The following CLMN variants were observed in gnomAD, a reference collection of about 807,000 sequenced individuals.
CLMN encodes calmin, also known as calmin (calponin-like, transmembrane).
A neutral mutation model predicts 92.7 loss-of-function variants in CLMN; 57 were observed. The ratio of observed to expected loss-of-function variants is 0.61; its 90% CI spans 0.50 to 0.77. The LOEUF (loss-of-function observed/expected upper bound fraction) is 0.77. CLMN is among the 30% of genes least tolerant of loss of function. CLMN has a pLI of 0.00. For synonymous variants in CLMN, 466 were observed against 470.6 expected, an observed-to-expected ratio of 0.99 and a Z score of 0.13; for missense variants, 1,158 against 1,237.5, an observed-to-expected ratio of 0.94 and a Z score of 0.96.
At chr14:95,228,126 C>T (rs1051630936) in intron 2 of CLMN, among the ~76,000 whole-genome samples, 14 of 152,086 alleles carry the variant, frequency 9.2e-5, no homozygotes, top group African/African-American at 2.7e-4. Flanking sequence ...ATATTCACCA[C>T]GTGACCCTCT....
chr14:95,212,707 T>G (rs781140322), intron 6 of CLMN, among the ~76,000 whole-genome samples: 7 of 152,100 alleles, frequency 4.6e-5, no homozygotes, highest in African/African-American at 1.7e-4. Context: ...ATCAGCTTTG[T>G]GCAAACCAAA....
chr14:95,258,445 G>A (rs1899102098), intron 1 of CLMN, among the ~76,000 whole-genome samples: 1 of 150,232 alleles, frequency 6.7e-6, no homozygotes, highest in African/African-American at 2.5e-5. Flanking sequence ...GTGTGGTGTG[G>A]TTGTGTGTGG....
At chr14:95,288,089 G>A (rs915503281) in intron 1 of CLMN, among the ~76,000 whole-genome samples, 14 of 152,328 alleles carry the variant, frequency 9.2e-5, no homozygotes, top group South Asian at 2.1e-4. Context: ...CCACAGCATA[G>A]TGGGGCCTGG....
At chr14:95,220,169 CTTTTTTT>C (rs767326601) in intron 4 of CLMN, among the ~76,000 whole-genome samples, 1 of 71,796 alleles carries the variant, frequency 1.4e-5, no homozygotes, top group Non-Finnish European at 2.4e-5. Context: ...GGATAGGTCC[CTTTTTTT>C]TTTTTTTTTT....
intron 1 of CLMN, among the ~76,000 whole-genome samples, chr14:95,285,258 C>A (rs191660777): frequency 6.6e-6 from 1 of 152,290 alleles, no homozygotes; most frequent in East Asian, 1.9e-4. Context: ...CGTGGGTATG[C>A]CTTTATCAGC....
intron 4 of CLMN, among the ~76,000 whole-genome samples, chr14:95,218,362 C>T (rs1347122351): frequency 6.6e-6 from 1 of 152,206 alleles, no homozygotes; most frequent in African/African-American, 2.4e-5. Context: ...AGAGCTGGTC[C>T]TGTGGGGCAG....
At chr14:95,295,336 C>T (rs1365709896) in intron 1 of CLMN, among the ~76,000 whole-genome samples, 2 of 152,226 alleles carry the variant, frequency 1.3e-5, no homozygotes, top group African/African-American at 2.4e-5. Flanking sequence ...CTATCCTTCA[C>T]TCAACAAGCA....
chr14:95,267,178 G>A (rs890228300), intron 1 of CLMN, among the ~76,000 whole-genome samples: 1 of 152,248 alleles, frequency 6.6e-6, no homozygotes, highest in Admixed American at 6.5e-5. Flanking sequence ...AGACAATTGG[G>A]ATCACATCAA....
chr14:95,292,241 T>G (rs1900597402), intron 1 of CLMN, among the ~76,000 whole-genome samples: 1 of 152,222 alleles, frequency 6.6e-6, no homozygotes, highest in Non-Finnish European at 1.5e-5. Flanking sequence ...TAAATGGTAG[T>G]CATTTCTGGG....
chr14:95,242,557 G>A (rs1338943893), intron 1 of CLMN, among the ~76,000 whole-genome samples: 1 of 138,958 alleles, frequency 7.2e-6, no homozygotes, highest in East Asian at 2.0e-4. Context: ...ACCATGCCCA[G>A]CCTGGCATCT....
rs866667199 is a variant in CLMN at position 95,245,195 on chromosome 14, A to T, written c.83-15062T>A. On this transcript the variant is annotated intron_variant, in intron 1 of 12. Coordinates refer to ENST00000298912, the MANE Select transcript of CLMN (RefSeq NM_024734.4). ...TATATTATATATATATATATATATA[A>T]TATATATATATATTATATATATATA... Among the ~76,000 whole-genome samples the T allele has an allele frequency of 1.1e-3, 31 of 27,798 alleles. 2 individuals are homozygous for T. Among genetic ancestry groups the T allele is most frequent in the African/African-American group, 3.1e-3 (19 of 6,112 alleles). 18.2% of individuals were successfully genotyped at this position (27,798 alleles called of 152,430 possible).
chr14:95,216,109 A>T (rs1302283730), intron 4 of CLMN, among the ~76,000 whole-genome samples: 1 of 152,226 alleles, frequency 6.6e-6, no homozygotes, highest in East Asian at 1.9e-4. Context: ...TAATGGACAC[A>T]CAGTTCCACA....
At chr14:95,232,387 G>A (rs1012250712) in intron 1 of CLMN, among the ~76,000 whole-genome samples, 3 of 152,238 alleles carry the variant, frequency 2.0e-5, no homozygotes, top group East Asian at 3.8e-4. Context: ...TTGATCTCCT[G>A]CAGGAGAGCA....
chr14:95,301,337 C>G (rs920609533), intron 1 of CLMN, among the ~76,000 whole-genome samples: 1 of 152,190 alleles, frequency 6.6e-6, no homozygotes, highest in Non-Finnish European at 1.5e-5. Context: ...AGTACCACTC[C>G]CAGGTGGAAA....
chr14:95,261,192 CAAA>C (rs34154169), intron 1 of CLMN, among the ~76,000 whole-genome samples: 388 of 127,894 alleles, frequency 3.0e-3, no homozygotes, highest in African/African-American at 4.8e-3. Flanking sequence ...CACACAAATG[CAAA>C]AAAAAAAAAA....
At chr14:95,242,214 G>A (rs1898269833) in intron 1 of CLMN, among the ~76,000 whole-genome samples, 1 of 150,760 alleles carries the variant, frequency 6.6e-6, no homozygotes, top group Non-Finnish European at 1.5e-5. Flanking sequence ...AATCCTAGGG[G>A]TGGGGACTCA....
chr14:95,265,275 A>G (rs1899428582), intron 1 of CLMN, among the ~76,000 whole-genome samples: 1 of 151,924 alleles, frequency 6.6e-6, no homozygotes. Flanking sequence ...CTTTGAGAAA[A>G]GCAGACGGCC....
Position 95,230,146 on chromosome 14 carries a change from A to T in CLMN, c.83-13T>A. 1 of 1,612,572 alleles carries T rather than the reference A, an allele frequency of 6.2e-7. No homozygotes were observed. The highest frequency in any genetic ancestry group is 8.5e-7 in the Non-Finnish European group (1 of 1,178,542). On this transcript the variant is annotated splice_polypyrimidine_tract_variant and intron_variant, in intron 1 of 12. Coordinates refer to ENST00000298912, the MANE Select transcript of CLMN (RefSeq NM_024734.4). ...TTTTCCCTCTCAACTGAAAACAAAGACATACCATCAGCTGGGAGAATAAGA... is the reference window on the plus strand; with the variant it reads ...TTTTCCCTCTCAACTGAAAACAAAGTCATACCATCAGCTGGGAGAATAAGA...
At chr14:95,245,783 G>A (rs1898539334) in intron 1 of CLMN, among the ~76,000 whole-genome samples, 1 of 148,840 alleles carries the variant, frequency 6.7e-6, no homozygotes, top group African/African-American at 2.5e-5. Flanking sequence ...TAGGTGGGTG[G>A]GTGGTTGGAT....
Sources: gnomAD v4.1 joint callset for allele counts (sites outside exome capture counted in the v4.1 genomes callset) on GRCh38, gnomAD v4.1.1 for gene constraint, MANE v1.5 for transcripts, NCBI Gene and HGNC (gene_info 2026-07-23, HGNC 2026-07-21) for gene names.